Variants in KCNG3 observed in about 807,000 individuals in gnomAD.
KCNG3 encodes potassium voltage-gated channel modifier subfamily G member 3.
In KCNG3, 15 loss-of-function variants were observed where a neutral mutation model predicts 29.0. That is an observed-to-expected ratio of 0.52 (90% CI 0.35 to 0.80). The LOEUF (loss-of-function observed/expected upper bound fraction) is 0.80, where lower values mean the gene tolerates loss of function less well. Ranked by LOEUF, KCNG3 falls within the 30% of genes least tolerant of loss-of-function variation. The pLI is 0.01. For missense variants in KCNG3, 512 were observed against 605.7 expected (o/e 0.85, Z 1.62); for synonymous variants, 322 against 248.9 (o/e 1.29, Z -2.76).
At chr2:42,398,465 G>A in the KCNG3 span, among the ~76,000 whole-genome samples, 1 of 152,044 alleles carries the variant, frequency 6.6e-6, no homozygotes, top group African/African-American at 2.4e-5. Context: ...ATCTAAGCAG[G>A]TGAGTTTTGA....
At chr2:42,450,252 G>A (rs985871757) in intron 1 of KCNG3, among the ~76,000 whole-genome samples, 4 of 152,158 alleles carry the variant, frequency 2.6e-5, no homozygotes, top group Admixed American at 1.3e-4. Flanking sequence ...GGTCCTCAGG[G>A]TTCTGCTTGC....
At chr2:42,451,204 CAAAAAA>C (rs67651134) in intron 1 of KCNG3, among the ~76,000 whole-genome samples, 1 of 61,010 alleles carries the variant, frequency 1.6e-5, no homozygotes, top group African/African-American at 7.1e-5. Flanking sequence ...GACTCCAACT[CAAAAAA>C]AAAAAAAAAA....
chr2:42,441,800 G>GTATATATAAAATATATACATA (rs1672492228), downstream of KCNG3, among the ~76,000 whole-genome samples: 1 of 12,236 alleles, frequency 8.2e-5, no homozygotes, highest in Non-Finnish European at 2.7e-4. Flanking sequence ...ATAGGTGTGT[G>GTATATATAAAATATATACATA]TGTATATATA....
At chr2:42,409,436 G>A in the KCNG3 span, among the ~76,000 whole-genome samples, 1 of 151,876 alleles carries the variant, frequency 6.6e-6, no homozygotes, top group Non-Finnish European at 1.5e-5. Flanking sequence ...GGGCGAGTTG[G>A]CTCACACCTG....
At chr2:42,435,072 G>A in the KCNG3 span, among the ~76,000 whole-genome samples, 1 of 152,150 alleles carries the variant, frequency 6.6e-6, no homozygotes, top group East Asian at 1.9e-4. Flanking sequence ...GGAGGCCAAG[G>A]CGGGTGGATC....
rs188244639 is a variant in KCNG3, at chr2:42,444,880, A to C, written c.666-301T>G. On this transcript the variant is annotated intron_variant, in intron 1 of 1. Coordinates refer to ENST00000306078, the MANE Select transcript of KCNG3 (RefSeq NM_133329.6). The surrounding 1 kb of genome is among the most constrained non-coding windows in gnomAD (Gnocchi z 5.8). ...AGTTCGAGACCAACCTGGGCACCAC[A>C]GCAAAACCCCGTCTCCACAAAAAAA... Among the ~76,000 whole-genome samples the C allele has an allele frequency of 5.7e-5, 7 of 123,454 alleles. No individual in the cohort carries two copies. The highest frequency in any genetic ancestry group is 2.8e-4 in the Admixed American group (3 of 10,660). 81.0% of individuals were successfully genotyped at this position (123,454 alleles called of 152,430 possible). A position where few individuals can be genotyped will look rare whatever the true frequency, so the allele number is the denominator to read the frequency against.
intron 1 of KCNG3, among the ~76,000 whole-genome samples, chr2:42,448,107 T>C (rs1420993867): frequency 2.0e-5 from 3 of 152,192 alleles, no homozygotes; most frequent in South Asian, 2.1e-4. Context: ...TTTTGAGCAA[T>C]GTTGAGCATC....
chr2:42,394,016 G>T, the KCNG3 span, among the ~76,000 whole-genome samples: 2 of 152,164 alleles, frequency 1.3e-5, no homozygotes, highest in Admixed American at 6.5e-5. Context: ...CCTGACCTCA[G>T]GTGATCCACC....
At chr2:42,486,886 C>T (rs1293175040) in intron 1 of KCNG3, among the ~76,000 whole-genome samples, 5 of 152,034 alleles carry the variant, frequency 3.3e-5, no homozygotes, top group African/African-American at 9.7e-5. Flanking sequence ...TGGTCTGGCA[C>T]GGTGGCTCAC....
intron 1 of KCNG3, among the ~76,000 whole-genome samples, chr2:42,455,916 CAT>C (rs1422351442): frequency 6.7e-6 from 1 of 149,538 alleles, no homozygotes; most frequent in Non-Finnish European, 1.5e-5. Flanking sequence ...TAATTATATA[CAT>C]ATAGTTATTA....
chr2:42,428,474 A>AAAAAG, the KCNG3 span, among the ~76,000 whole-genome samples: 2 of 149,722 alleles, frequency 1.3e-5, no homozygotes, highest in African/African-American at 4.9e-5. Flanking sequence ...AAAAAAAAAA[A>AAAAAG]AAAAGAAAAG....
the KCNG3 span, among the ~76,000 whole-genome samples, chr2:42,434,269 C>T: frequency 6.6e-6 from 1 of 151,790 alleles, no homozygotes; most frequent in Non-Finnish European, 1.5e-5. Flanking sequence ...CCGAGCAACA[C>T]AGGGAGACCC....
intron 1 of KCNG3, among the ~76,000 whole-genome samples, chr2:42,445,073 TA>T (rs35392805): frequency 0.36 from 48,617 of 136,330 alleles, 9,012 homozygotes; most frequent in East Asian, 0.59. Context: ...TCTCAAAAAT[TA>T]AAAAAAAAAA....
the KCNG3 span, among the ~76,000 whole-genome samples, chr2:42,413,523 T>C: frequency 2.0e-5 from 3 of 152,230 alleles, no homozygotes; most frequent in African/African-American, 7.2e-5. Context: ...TAAGAAGTTA[T>C]ATATTCTATT....
chr2:42,418,166 C>A, the KCNG3 span, among the ~76,000 whole-genome samples: 1 of 152,076 alleles, frequency 6.6e-6, no homozygotes, highest in Non-Finnish European at 1.5e-5. Flanking sequence ...CTATAGCCAT[C>A]ATACAATAAT....
At chr2:42,451,029 A>G (rs538748056) in intron 1 of KCNG3, among the ~76,000 whole-genome samples, 2 of 151,732 alleles carry the variant, frequency 1.3e-5, no homozygotes, top group Admixed American at 1.3e-4. Flanking sequence ...ACATGGTGAA[A>G]CCCTGTCTCT....
At chr2:42,474,730 A>T (rs1673380356) in intron 1 of KCNG3, among the ~76,000 whole-genome samples, 1 of 152,150 alleles carries the variant, frequency 6.6e-6, no homozygotes, top group Non-Finnish European at 1.5e-5. Context: ...AATTTTATCA[A>T]ATCTTACACT....
the KCNG3 span, among the ~76,000 whole-genome samples, chr2:42,425,639 A>C: frequency 6.6e-6 from 1 of 152,248 alleles, no homozygotes; most frequent in Middle Eastern, 3.4e-3. Flanking sequence ...TCAACTCAAC[A>C]TGTACTACGT....
At chr2:42,475,412 T>C (rs1673399146) in intron 1 of KCNG3, among the ~76,000 whole-genome samples, 1 of 149,008 alleles carries the variant, frequency 6.7e-6, no homozygotes, top group Non-Finnish European at 1.5e-5. Context: ...CACTGCAACC[T>C]CTTTCTCCCA....
Sources: gnomAD v4.1 joint callset for allele counts (sites outside exome capture counted in the v4.1 genomes callset) on GRCh38, gnomAD v4.1.1 for gene constraint, Gnocchi (gnomAD v3.1) non-coding constraint, MANE v1.5 for transcripts, NCBI Gene and HGNC (gene_info 2026-07-23, HGNC 2026-07-21) for gene names.